Variants in LRRC37A3 observed in about 807,000 individuals in gnomAD.
LRRC37A3 encodes leucine-rich repeat-containing protein 37A3.
A neutral mutation model predicts 106.2 loss-of-function variants in LRRC37A3; 25 were observed. The observed-to-expected ratio is 0.24, with a 90% CI of 0.17 to 0.33. LRRC37A3 has a LOEUF of 0.33. Ranked by LOEUF, LRRC37A3 falls within the 10% of genes least tolerant of loss-of-function variation. The pLI, the probability that LRRC37A3 is intolerant of heterozygous loss-of-function variation, is 1.00. For missense variants in LRRC37A3, 712 were observed against 1,644.9 expected (o/e 0.43, Z 9.81); for synonymous variants, 305 against 635.8 (o/e 0.48, Z 7.83).
intron 1 of LRRC37A3, among the ~76,000 whole-genome samples, chr17:64,919,135 T>G (rs1176731514): frequency 6.6e-6 from 1 of 151,530 alleles, no homozygotes; most frequent in Non-Finnish European, 1.5e-5. Context: ...GCTGCCGCGG[T>G]GCCGCGAGCG....
chr17:64,858,226 A>T (rs1972745842), intron 13 of LRRC37A3, among the ~76,000 whole-genome samples: 1 of 152,190 alleles, frequency 6.6e-6, no homozygotes, highest in South Asian at 2.1e-4. Flanking sequence ...GTGAACTTAA[A>T]AATGTGGCCA....
In LRRC37A3 at chr17:64,860,372, G is replaced by A; in HGVS notation, c.3774C>T (p.Thr1258=). 6.2e-7 allele frequency: 1 copy of A among 1,613,936 alleles called. No individual in the cohort carries two copies. The highest frequency in any genetic ancestry group is 8.5e-7 in the Non-Finnish European group (1 of 1,179,874). The change falls in exon 12 of 15, where the codon ACC becomes ACT. Residue 1258 remains threonine (T), a synonymous_variant. Coordinates refer to ENST00000584306, the MANE Select transcript of LRRC37A3 (RefSeq NM_199340.5). ...LKPFSKGAPS[T]SSPAKALPQV... ...GTGGTAGGGCTTTTGCAGGGCTGGA[G>A]GTAGAAGGCGCGCCCTTGGAGAAGG...
chr17:64,879,560 G>C (rs906648770), intron 8 of LRRC37A3, among the ~76,000 whole-genome samples: 5 of 152,016 alleles, frequency 3.3e-5, no homozygotes, highest in African/African-American at 9.7e-5. Context: ...AACTTGTTTT[G>C]TAACACTAAT....
At chr17:64,858,393 A>G (rs921460032) in intron 13 of LRRC37A3, among the ~76,000 whole-genome samples, 1 of 152,126 alleles carries the variant, frequency 6.6e-6, no homozygotes, top group African/African-American at 2.4e-5. Flanking sequence ...GGTGATGACA[A>G]CTCCGTGAGG....
At chr17:64,882,958 CA>C (rs1327207894) in intron 8 of LRRC37A3, among the ~76,000 whole-genome samples, 3 of 149,556 alleles carry the variant, frequency 2.0e-5, no homozygotes, top group Non-Finnish European at 4.4e-5. Flanking sequence ...AAAAATAAGC[CA>C]TCAGTCTGGA....
intron 1 of LRRC37A3, among the ~76,000 whole-genome samples, 177 bp downstream of exon 1, chr17:64,919,254 C>G (rs1261638896): frequency 6.6e-6 from 1 of 152,092 alleles, no homozygotes; most frequent in African/African-American, 2.4e-5. Context: ...CCGCCGGCCC[C>G]TCATGTTGGA....
chr17:64,862,090 G>A (rs1249552871), intron 11 of LRRC37A3, among the ~76,000 whole-genome samples: 2 of 148,716 alleles, frequency 1.3e-5, no homozygotes, highest in African/African-American at 2.5e-5. Flanking sequence ...GGGGAGAAGG[G>A]AATAACATAA....
rs1598384153 is a variant in LRRC37A3 at position 64,854,144 on chromosome 17, A to T, written c.*455T>A. Reference sequence around the variant, plus strand: ...AGAAAAACACATTTTAAAAAAAGCAATGTGAATCTTTTGCCATCTTGTAAG... The same window carrying T: ...AGAAAAACACATTTTAAAAAAAGCATTGTGAATCTTTTGCCATCTTGTAAG... On this transcript the variant is annotated 3_prime_UTR_variant, in exon 15 of 15. Coordinates refer to ENST00000584306, the MANE Select transcript of LRRC37A3 (RefSeq NM_199340.5). Among the ~76,000 whole-genome samples the T allele has an allele frequency of 6.6e-6, 1 of 152,248 alleles. No homozygotes were observed. The highest frequency in any genetic ancestry group is 2.4e-5 in the African/African-American group (1 of 41,466).
Position 64,860,456 on chromosome 17 carries a change from G to T in LRRC37A3, c.3690C>A (p.Ala1230=). The T allele has an allele frequency of 6.2e-7, 1 of 1,613,580 alleles. No homozygotes were observed. Among genetic ancestry groups the T allele is most frequent in the Non-Finnish European group, 8.5e-7 (1 of 1,179,798 alleles). ...QQGPEKLAGN[A]VYTKPSFTQE... ...GGGTGAACGAAGGCTTGGTGTAGAC[G>T]GCGTTTCCCGCTAACTTCTCAGGCC... The change falls in exon 12 of 15, where the codon GCC becomes GCA. Residue 1230 remains alanine (A), a synonymous_variant. Coordinates refer to ENST00000584306, the MANE Select transcript of LRRC37A3 (RefSeq NM_199340.5).
intron 10 of LRRC37A3, 108 bp from the exon 11 acceptor site, chr17:64,863,126 C>G (rs1008807368): frequency 2.7e-6 from 4 of 1,484,836 alleles, no homozygotes; most frequent in Non-Finnish European, 3.7e-6. Flanking sequence ...ATCATTGAAG[C>G]CTGTGGACTG....
In LRRC37A3 at chr17:64,897,251, A is replaced by G. The variant is rs779694016; in HGVS notation, c.7T>C (p.Ser3Pro). 3.7e-6 allele frequency: 6 copies of G among 1,609,746 alleles called. No individual in the cohort carries two copies. In the Admixed American group the frequency reaches 1.0e-4, roughly 27 times the overall value. ...CACGCTAGTGCCGGGCACTGAGCGG[A>G]AGTCATTCTGGCAGCTCCGAGACGC... MTSAQCPALACVM... is the reference protein window; with the variant it reads MTPAQCPALACVM... The change falls in exon 4 of 15, where the codon TCC becomes CCC. Residue 3 changes from serine to proline, a missense_variant. Ser to Pro is a moderately conservative substitution (Grantham distance 74). Coordinates refer to ENST00000584306, the MANE Select transcript of LRRC37A3 (RefSeq NM_199340.5).
At chr17:64,901,157 T>A (rs1229912059) in intron 2 of LRRC37A3, 1 of 149,142 alleles carries the variant, frequency 6.7e-6, no homozygotes, top group Non-Finnish European at 1.5e-5. Context: ...TCATGTCTGG[T>A]CTCACAGCTC....
intron 2 of LRRC37A3, chr17:64,909,598 A>G (rs1373999293): frequency 1.3e-5 from 2 of 152,356 alleles, no homozygotes; most frequent in East Asian, 3.9e-4. Context: ...TGTGCAGGCA[A>G]GTTTGAAAAC....
chr17:64,898,009 T>C (rs1406896212), intron 3 of LRRC37A3: 2 of 13,400 alleles, frequency 1.5e-4, no homozygotes, highest in African/African-American at 2.1e-3. Context: ...GCTTAGGTTG[T>C]TAAAGTCAGC....
intron 9 of LRRC37A3, among the ~76,000 whole-genome samples, 184 bp downstream of exon 9, chr17:64,868,911 C>A (rs903401900): frequency 3.9e-5 from 6 of 152,176 alleles, no homozygotes; most frequent in African/African-American, 1.4e-4. Context: ...TTCTCTTCCC[C>A]TGCTGGCTGT....
chr17:64,870,448 A>T (rs549588235), intron 8 of LRRC37A3, among the ~76,000 whole-genome samples: 118 of 152,316 alleles, frequency 7.7e-4, no homozygotes, highest in African/African-American at 2.8e-3. Context: ...AAGAAACAGG[A>T]AGAAATAAAA....
At position 64,855,856 on chromosome 17, in the gene LRRC37A3, C is replaced by T; in HGVS notation, c.4843G>A (p.Glu1615Lys). The part of the protein sequence containing the change: ...CCHRRSLQED[E>K]EGFSRDSEAP... ...AATATTTACCTTGAGAATCCTTCTT[C>T]ATCTTCTTGTAATGACCTTCGGTGA... The change falls in exon 14 of 15, where the codon GAA (glutamate) becomes AAA (lysine). Residue 1615 changes from glutamate (E) to lysine (K), a missense_variant. Coordinates refer to ENST00000584306, the MANE Select transcript of LRRC37A3 (RefSeq NM_199340.5). 4 of 1,611,826 alleles carry T rather than the reference C, an allele frequency of 2.5e-6. No homozygotes were observed. The highest frequency in any genetic ancestry group is 3.4e-6 in the Non-Finnish European group (4 of 1,179,704).
At chr17:64,858,756 C>T (rs560222838) in intron 13 of LRRC37A3, 23 bp downstream of exon 13, 1 of 1,565,448 alleles carries the variant, frequency 6.4e-7, no homozygotes, top group East Asian at 2.2e-5. Flanking sequence ...ATTCTGAAAA[C>T]CTGAATTAAT....
intron 8 of LRRC37A3, among the ~76,000 whole-genome samples, chr17:64,877,451 C>T (rs1199508593): frequency 3.9e-5 from 6 of 152,312 alleles, no homozygotes; most frequent in Admixed American, 3.9e-4. Context: ...ATCTGCCTGC[C>T]TCAGCCTCCC....
Sources: allele counts gnomAD v4.1 joint callset (sites outside exome capture counted in the v4.1 genomes callset), GRCh38; gene constraint gnomAD v4.1.1; transcripts MANE v1.5; gene names NCBI Gene and HGNC (gene_info 2026-07-23, HGNC 2026-07-21).